The following BCAT1 variants were observed in gnomAD, a reference collection of about 807,000 sequenced individuals.
BCAT1 encodes the protein branched chain amino acid transaminase 1, also known as branched-chain-amino-acid aminotransferase, cytosolic.
Under a neutral mutation model 52.4 loss-of-function variants are expected in BCAT1, and 48 were observed. The observed-to-expected ratio is 0.92, with a 90% CI of 0.73 to 1.16. BCAT1 has a LOEUF of 1.16. Ranked by LOEUF, BCAT1 falls within the 50% of genes most tolerant of loss-of-function variation. The pLI, the probability that BCAT1 is intolerant of heterozygous loss-of-function variation, is 0.00. For synonymous variants in BCAT1, 167 were observed against 161.3 expected (o/e 1.04, Z -0.27); for missense variants, 451 against 457.1 (o/e 0.99, Z 0.12).
intron 5 of BCAT1, among the ~76,000 whole-genome samples, chr12:24,877,359 C>T (rs1396938916): frequency 6.6e-6 from 1 of 152,194 alleles, no homozygotes; most frequent in Admixed American, 6.5e-5. Flanking sequence ...ATCACACTCT[C>T]AAGCCACAGC....
chr12:24,811,795 G>T lies in BCAT1; in HGVS notation c.*6213C>A, dbSNP rs1939694852. ...GACTTGCAATGGCTGGAGTCTATCA[G>T]TACAATAGTAATTGCAATCAGATTC... On this transcript the variant is annotated 3_prime_UTR_variant, in exon 11 of 11. Coordinates refer to ENST00000261192, the MANE Select transcript of BCAT1 (RefSeq NM_005504.7). 1 of 152,158 alleles carries T rather than the reference G, an allele frequency of 6.6e-6. No homozygotes were observed. The highest frequency in any genetic ancestry group is 6.5e-5 in the Admixed American group (1 of 15,270). 9.4% of individuals were successfully genotyped at this position (152,158 alleles called of 1,614,324 possible).
At chr12:24,825,774 T>G (rs1940369679) in intron 10 of BCAT1, among the ~76,000 whole-genome samples, 1 of 152,208 alleles carries the variant, frequency 6.6e-6, no homozygotes, top group African/African-American at 2.4e-5. Context: ...AGATTGATAG[T>G]TTGCAAATAT....
At chr12:24,854,764 A>G (rs1291219345) in intron 5 of BCAT1, among the ~76,000 whole-genome samples, 1 of 152,220 alleles carries the variant, frequency 6.6e-6, no homozygotes, top group Non-Finnish European at 1.5e-5. Flanking sequence ...CTGAGGCTTC[A>G]AACAATTTGC....
intron 5 of BCAT1, among the ~76,000 whole-genome samples, chr12:24,859,613 C>T (rs1349938603): frequency 5.4e-5 from 5 of 92,350 alleles, no homozygotes; most frequent in African/African-American, 9.7e-5. Context: ...GAGCCAGACT[C>T]GTCTCAAAAA....
At chr12:24,892,629 G>T (rs747788097) in intron 3 of BCAT1, among the ~76,000 whole-genome samples, 2 of 152,158 alleles carry the variant, frequency 1.3e-5, no homozygotes, top group Non-Finnish European at 2.9e-5. Flanking sequence ...AAGGCAAGAG[G>T]ATTGCTTGAG....
chr12:24,902,763 C>T (rs750936378), intron 1 of BCAT1: 18 of 871,588 alleles, frequency 2.1e-5, no homozygotes, highest in Non-Finnish European at 2.7e-5. Context: ...AGATTGCAGG[C>T]TGGGACTCCA....
chr12:24,947,838 C>T (rs1444450166), intron 1 of BCAT1, among the ~76,000 whole-genome samples: 2 of 152,204 alleles, frequency 1.3e-5, no homozygotes, highest in Admixed American at 1.3e-4. Context: ...TGAAATGAAA[C>T]AAGCATGAGG....
chr12:24,836,946 G>GA (rs71450747), intron 7 of BCAT1, among the ~76,000 whole-genome samples: 2 of 99,388 alleles, frequency 2.0e-5, no homozygotes, highest in African/African-American at 3.3e-5. Context: ...AAGAAAGAAA[G>GA]AAAGAAAGAA....
intron 3 of BCAT1, among the ~76,000 whole-genome samples, chr12:24,889,393 CTG>C (rs1942773593): frequency 6.6e-6 from 1 of 152,214 alleles, no homozygotes; most frequent in African/African-American, 2.4e-5. Context: ...CTATTACAGA[CTG>C]TATTTTCCAT....
intron 1 of BCAT1, among the ~76,000 whole-genome samples, chr12:24,946,294 T>C (rs924116026): frequency 2.0e-5 from 3 of 152,116 alleles, no homozygotes; most frequent in Admixed American, 6.5e-5. Flanking sequence ...GAACAAAATA[T>C]ATAATTAGGA....
chr12:24,899,777 G>GAA (rs72262709), intron 2 of BCAT1, among the ~76,000 whole-genome samples: 6 of 134,008 alleles, frequency 4.5e-5, no homozygotes, highest in African/African-American at 5.6e-5. Flanking sequence ...GCCAAACACA[G>GAA]AAAAAAAAAA....
chr12:24,870,098 G>A (rs1942140160), intron 5 of BCAT1, among the ~76,000 whole-genome samples: 1 of 151,972 alleles, frequency 6.6e-6, no homozygotes, highest in African/African-American at 2.4e-5. Context: ...AACCCTGGAT[G>A]GAAATGAGAG....
chr12:24,813,432 C>T lies in BCAT1; in HGVS notation c.*4576G>A, dbSNP rs1939761154. 2 of 151,984 alleles carry T rather than the reference C, an allele frequency of 1.3e-5. No homozygotes were observed. Among genetic ancestry groups the T allele is most frequent in the Non-Finnish European group, 2.9e-5 (2 of 67,892 alleles). 9.4% of individuals were successfully genotyped at this position (151,984 alleles called of 1,614,324 possible). On this transcript the variant is annotated 3_prime_UTR_variant, in exon 11 of 11. Transcript: ENST00000261192. ...ACCTTCAAGCTAATACTTTAAACAG[C>T]ATGGTTCATAATAGATATTTTCTAG...
intron 1 of BCAT1, among the ~76,000 whole-genome samples, chr12:24,929,480 G>A (rs1273375276): frequency 1.3e-5 from 2 of 152,184 alleles, no homozygotes; most frequent in Non-Finnish European, 2.9e-5. Context: ...AGACACAGGA[G>A]TAGCTCTGAA....
At chr12:24,869,039 G>C (rs1395717818) in intron 5 of BCAT1, among the ~76,000 whole-genome samples, 1 of 152,166 alleles carries the variant, frequency 6.6e-6, no homozygotes, top group East Asian at 1.9e-4. Context: ...TTCTGTAGCT[G>C]GTAAACCTAT....
At chr12:24,913,617 G>C (rs1943362808) in intron 1 of BCAT1, among the ~76,000 whole-genome samples, 1 of 152,190 alleles carries the variant, frequency 6.6e-6, no homozygotes, top group South Asian at 2.1e-4. Context: ...ACAATGCCCA[G>C]GCCAAAACCC....
intron 6 of BCAT1, among the ~76,000 whole-genome samples, chr12:24,843,416 A>T (rs1472213656): frequency 6.6e-6 from 1 of 152,142 alleles, no homozygotes; most frequent in Non-Finnish European, 1.5e-5. Context: ...CAGCCCGGCC[A>T]ACATGGTGAA....
intron 3 of BCAT1, among the ~76,000 whole-genome samples, chr12:24,889,279 A>G (rs1591842617): frequency 6.6e-6 from 1 of 152,154 alleles, no homozygotes; most frequent in Non-Finnish European, 1.5e-5. Context: ...ACCCCAGACA[A>G]CGTAGCCACT....
At chr12:24,905,119 G>C (rs147871032) in intron 1 of BCAT1, among the ~76,000 whole-genome samples, 1 of 152,190 alleles carries the variant, frequency 6.6e-6, no homozygotes. Context: ...CTGGGGCTGC[G>C]GTAGACAGAA....
Sources: allele counts gnomAD v4.1 joint callset (sites outside exome capture counted in the v4.1 genomes callset), GRCh38; gene constraint gnomAD v4.1.1; transcripts MANE v1.5; gene names NCBI Gene and HGNC (gene_info 2026-07-23, HGNC 2026-07-21).